PRKCZ: variants seen among roughly 807,000 people sequenced by gnomAD.
PRKCZ encodes protein kinase C zeta type.
A neutral mutation model predicts 79.5 loss-of-function variants in PRKCZ; 33 were observed. That is an observed-to-expected ratio of 0.41 (90% CI 0.31 to 0.55). The LOEUF (loss-of-function observed/expected upper bound fraction) is 0.55. Ranked by LOEUF, PRKCZ falls within the 20% of genes least tolerant of loss-of-function variation. PRKCZ has a pLI of 0.19. For missense variants in PRKCZ, 578 were observed against 813.5 expected (o/e 0.71, Z 3.52); for synonymous variants, 342 against 320.9 (o/e 1.07, Z -0.70).
chr1:2,138,570 G>C (rs564131461), intron 5 of PRKCZ, among the ~76,000 whole-genome samples: 1 of 152,284 alleles, frequency 6.6e-6, no homozygotes, highest in East Asian at 1.9e-4. Flanking sequence ...GCCCAGGAAT[G>C]GGGGGTGAGG....
Position 2,184,717 on chromosome 1 carries a change from G to T in PRKCZ, c.1691+19G>T, listed in dbSNP as rs775528318. The T allele has an allele frequency of 6.2e-7, 1 of 1,602,662 alleles. No homozygotes were observed. Among genetic ancestry groups the T allele is most frequent in the East Asian group, 2.2e-5 (1 of 44,474 alleles). On this transcript the variant is annotated intron_variant, in intron 17 of 17. Coordinates refer to ENST00000378567, the MANE Select transcript of PRKCZ (RefSeq NM_002744.6). ...ACGATGAGTGAGTCCCACTGGGTGC[G>T]GGTCCCTGGAGCACCCCTCGGGCAG...
At chr1:2,093,661 C>T (rs1665912618) in intron 4 of PRKCZ, among the ~76,000 whole-genome samples, 1 of 152,138 alleles carries the variant, frequency 6.6e-6, no homozygotes, top group Non-Finnish European at 1.5e-5. Context: ...GGGACCTGTA[C>T]CCTCTAAGTT....
At chr1:2,135,096 G>A (rs1675907841) in intron 4 of PRKCZ, 166 bp from the exon 5 acceptor site, 2 of 567,570 alleles carry the variant, frequency 3.5e-6, no homozygotes, top group South Asian at 2.1e-5. Flanking sequence ...TGTGAGGAGG[G>A]GCAGAGAGAG....
intron 3 of PRKCZ, 82 bp downstream of exon 3, chr1:2,056,655 A>ACC: frequency 2.4e-6 from 3 of 1,258,438 alleles, no homozygotes; most frequent in Non-Finnish European, 3.3e-6. Flanking sequence ...GGGGATTTAA[A>ACC]ATGGTTTAAA....
intron 4 of PRKCZ, among the ~76,000 whole-genome samples, chr1:2,091,542 G>T (rs1665502413): frequency 6.6e-6 from 1 of 152,024 alleles, no homozygotes; most frequent in Admixed American, 6.6e-5. Flanking sequence ...CCGACTTTCT[G>T]TTCCTGGCCG....
intron 11 of PRKCZ, among the ~76,000 whole-genome samples, chr1:2,171,844 C>T (rs188978861): frequency 7.2e-5 from 11 of 152,214 alleles, no homozygotes; most frequent in Non-Finnish European, 1.5e-4. Flanking sequence ...TGACAGCAGG[C>T]CATCCTAAGG....
intron 4 of PRKCZ, among the ~76,000 whole-genome samples, chr1:2,118,342 G>GT (rs35864868): frequency 0.66 from 89,289 of 135,318 alleles, 29,585 homozygotes; most frequent in African/African-American, 0.78. Flanking sequence ...AAATGTTTTT[G>GT]TTTTTTTTTT....
rs59023632 is a variant in PRKCZ at position 2,078,109 on chromosome 1, GC to G, written c.334+18524del. ...CCTCACCTCCCTCCTGGTGCACCTG[GC>G]CCCCCACACAACATGCCGTGGGGCT... On this transcript the variant is annotated intron_variant, in intron 4 of 17. Coordinates refer to ENST00000378567, the MANE Select transcript of PRKCZ (RefSeq NM_002744.6). 0.035 allele frequency among the ~76,000 whole-genome samples: 5,330 copies of G among 152,236 alleles called. 537 individuals carry two copies. The East Asian group carries it at 0.39, about 11-fold the overall frequency.
Position 2,165,516 on chromosome 1 carries a change from C to CT in PRKCZ, c.975-4001dup, listed in dbSNP as rs1044339174. On this transcript the variant is annotated intron_variant, in intron 10 of 17. Transcript: ENST00000378567. The surrounding 1 kb of genome is among the most constrained non-coding windows in gnomAD (Gnocchi z 4.1). ...GCGTTAACACAGAGGGACTTGGAGACTGACGCTTACTGAGGGCCACACCAG... is the reference window on the plus strand; with the variant it reads ...GCGTTAACACAGAGGGACTTGGAGACTTGACGCTTACTGAGGGCCACACCAG... Among the ~76,000 whole-genome samples the CT allele has an allele frequency of 1.3e-5, 2 of 152,252 alleles. No individual in the cohort carries two copies. The highest frequency in any genetic ancestry group is 4.8e-5 in the African/African-American group (2 of 41,464).
chr1:2,144,479 C>T (rs1209969801), intron 6 of PRKCZ, 138 bp downstream of exon 6: 11 of 1,455,904 alleles, frequency 7.6e-6, no homozygotes, highest in East Asian at 5.0e-5. Context: ...TGGGCTGCAG[C>T]GTGAGACTCA....
intron 4 of PRKCZ, among the ~76,000 whole-genome samples, chr1:2,133,239 C>T (rs979971159): frequency 4.6e-5 from 7 of 151,478 alleles, no homozygotes; most frequent in South Asian, 2.1e-4. Context: ...CTCAGCTCCG[C>T]CCCCCAGCTG....
chr1:2,096,132 A>G (rs1666467225), intron 4 of PRKCZ, among the ~76,000 whole-genome samples: 1 of 150,822 alleles, frequency 6.6e-6, no homozygotes, highest in African/African-American at 2.4e-5. Flanking sequence ...GCAGATGGGG[A>G]CCTCGGCTGC....
intron 4 of PRKCZ, among the ~76,000 whole-genome samples, chr1:2,097,933 CCT>C (rs1254974103): frequency 6.6e-6 from 1 of 152,216 alleles, no homozygotes. Flanking sequence ...GTGTGGTTCC[CCT>C]GTTGGCTAGG....
chr1:2,136,600 AGGCGGCTGTGTGCTTAG>A (rs1376131967), intron 5 of PRKCZ, among the ~76,000 whole-genome samples: 1 of 152,150 alleles, frequency 6.6e-6, no homozygotes, highest in Admixed American at 6.5e-5. Context: ...TGGGGAGCCT[AGGCGGCTGTGTGCTTAG>A]GGCAGGTGGG....
chr1:2,153,566 A>G (rs1042029742), intron 9 of PRKCZ, among the ~76,000 whole-genome samples: 1 of 152,238 alleles, frequency 6.6e-6, no homozygotes, highest in Non-Finnish European at 1.5e-5. Context: ...GGCAGCGTCC[A>G]TGCCCTGCGC....
chr1:2,175,143 T>C (rs1685192145), intron 15 of PRKCZ, 81 bp from the exon 16 acceptor site: 1 of 1,227,254 alleles, frequency 8.1e-7, no homozygotes, highest in East Asian at 2.3e-5. Flanking sequence ...TTGTCAGCAC[T>C]GGGAGTGGCC....
At chr1:2,164,317 C>T (rs543051401) in intron 10 of PRKCZ, among the ~76,000 whole-genome samples, 3 of 152,318 alleles carry the variant, frequency 2.0e-5, no homozygotes, top group African/African-American at 7.2e-5. Context: ...TTATTGGGTC[C>T]AGGGTGTTCT....
chr1:2,130,553 G>T (rs895096214), intron 4 of PRKCZ, among the ~76,000 whole-genome samples: 3 of 152,190 alleles, frequency 2.0e-5, no homozygotes, highest in African/African-American at 7.2e-5. Context: ...CTATTGTAAG[G>T]AACTGGCTTG....
At chr1:2,164,563 C>T (rs780376347) in intron 10 of PRKCZ, among the ~76,000 whole-genome samples, 79 of 152,300 alleles carry the variant, frequency 5.2e-4, no homozygotes, top group South Asian at 1.7e-3. Flanking sequence ...GTCAGGGCGA[C>T]AGCCCTGCTT....
Sources: gnomAD v4.1 joint callset for allele counts (sites outside exome capture counted in the v4.1 genomes callset) on GRCh38, gnomAD v4.1.1 for gene constraint, Gnocchi (gnomAD v3.1) non-coding constraint, MANE v1.5 for transcripts, NCBI Gene and HGNC (gene_info 2026-07-23, HGNC 2026-07-21) for gene names.